CPNE8: variants seen among roughly 807,000 people sequenced by gnomAD.
CPNE8 encodes the protein copine 8.
In CPNE8, 45 loss-of-function variants were observed where a neutral mutation model predicts 81.5. That is an observed-to-expected ratio of 0.55 (90% CI 0.44 to 0.71). The LOEUF (loss-of-function observed/expected upper bound fraction) is 0.71. Among genes scored for constraint, CPNE8 ranks in the 30% least tolerant of loss-of-function variants. CPNE8 has a pLI of 0.00. For missense variants in CPNE8, 594 were observed against 672.1 expected, an observed-to-expected ratio of 0.88 and a Z score of 1.28; for synonymous variants, 252 against 226.3, an observed-to-expected ratio of 1.11 and a Z score of -1.02.
chr12:38,902,363 A>G (rs1944489345), intron 1 of CPNE8, among the ~76,000 whole-genome samples: 2 of 93,472 alleles, frequency 2.1e-5, no homozygotes, highest in African/African-American at 6.2e-5. Flanking sequence ...AAAGAAAGAA[A>G]GAAAGAAAGA....
At chr12:38,822,791 G>A (rs1224374698) in intron 6 of CPNE8, among the ~76,000 whole-genome samples, 5 of 151,990 alleles carry the variant, frequency 3.3e-5, no homozygotes, top group Admixed American at 6.6e-5. Flanking sequence ...ATGTAAAAAC[G>A]GCCTAATATT....
At chr12:38,717,427 GTGTA>G (rs1396934963) in intron 13 of CPNE8, among the ~76,000 whole-genome samples, 2,317 of 69,698 alleles carry the variant, frequency 0.033, 293 homozygotes, top group African/African-American at 0.12. Flanking sequence ...AGAAAGTGTG[GTGTA>G]TATATATATA....
intron 2 of CPNE8, 67 bp from the exon 3 acceptor site, chr12:38,873,117 AT>A (rs1398992968): frequency 2.1e-6 from 2 of 972,468 alleles, no homozygotes; most frequent in East Asian, 5.2e-5. Flanking sequence ...AATGTATACA[AT>A]TTATTTTTCA....
chr12:38,798,850 G>C (rs201772108), intron 6 of CPNE8, among the ~76,000 whole-genome samples: 1 of 152,090 alleles, frequency 6.6e-6, no homozygotes, highest in Non-Finnish European at 1.5e-5. Flanking sequence ...AAGGATGGAG[G>C]AAGATCTACC....
At chr12:38,799,931 A>G (rs1942614622) in intron 6 of CPNE8, among the ~76,000 whole-genome samples, 1 of 151,502 alleles carries the variant, frequency 6.6e-6, no homozygotes, top group African/African-American at 2.4e-5. Context: ...TCCCACCCGA[A>G]TATTGCGCTT....
chr12:38,696,453 T>G (rs990704665), intron 14 of CPNE8, among the ~76,000 whole-genome samples: 1 of 152,162 alleles, frequency 6.6e-6, no homozygotes, highest in African/African-American at 2.4e-5. Context: ...CCTCTGTATC[T>G]GCAAAGATGC....
chr12:38,760,874 T>G lies in CPNE8; in HGVS notation c.695A>C (p.Glu232Ala). ...NGDYDRTIKVEVYDWDRDGSH... is the reference protein window; with the variant it reads ...NGDYDRTIKVAVYDWDRDGSH... The stretch of plus-strand genomic sequence containing the variant: ...TCCATCTCGGTCCCAGTCATACACC[T>G]CTACTTTGATTGTTCTGTACATGAG... The change falls in exon 10 of 20, where the codon GAG becomes GCG. Residue 232 changes from glutamate to alanine, a missense_variant. Transcript: ENST00000331366. The G allele has an allele frequency of 6.3e-7, 1 of 1,575,020 alleles. No homozygotes were observed. Among genetic ancestry groups the G allele is most frequent in the Non-Finnish European group, 8.6e-7 (1 of 1,167,146 alleles).
intron 1 of CPNE8, among the ~76,000 whole-genome samples, chr12:38,891,374 G>T (rs1944312229): frequency 6.6e-6 from 1 of 151,796 alleles, no homozygotes; most frequent in Non-Finnish European, 1.5e-5. Context: ...TATAAACAAA[G>T]ATTAAATAAT....
At chr12:38,904,438 C>G (rs1944532600) in intron 1 of CPNE8, among the ~76,000 whole-genome samples, 4 of 150,930 alleles carry the variant, frequency 2.7e-5, no homozygotes, top group African/African-American at 9.8e-5. Flanking sequence ...AATTTACAGT[C>G]TCTGGACAGG....
intron 13 of CPNE8, among the ~76,000 whole-genome samples, chr12:38,704,826 G>GTATATATATGTGTGTATATATATATA (rs58878926): frequency 3.4e-4 from 17 of 50,194 alleles, no homozygotes; most frequent in East Asian, 7.0e-4. Flanking sequence ...GTATGTATGT[G>GTATATATATGTGTGTATATATATATA]TATATATATA....
intron 6 of CPNE8, among the ~76,000 whole-genome samples, chr12:38,796,748 C>T (rs1026822159): frequency 1.3e-5 from 2 of 152,114 alleles, no homozygotes; most frequent in African/African-American, 4.8e-5. Context: ...TGAGGAATTG[C>T]CTCACTCGGG....
intron 11 of CPNE8, among the ~76,000 whole-genome samples, chr12:38,726,889 TAATTA>T (rs1592042075): frequency 6.6e-6 from 1 of 152,210 alleles, no homozygotes; most frequent in African/African-American, 2.4e-5. Flanking sequence ...TTAAATTACA[TAATTA>T]AATTTAATTG....
At chr12:38,835,608 T>C (rs973658405) in intron 5 of CPNE8, among the ~76,000 whole-genome samples, 1 of 152,196 alleles carries the variant, frequency 6.6e-6, no homozygotes, top group African/African-American at 2.4e-5. Context: ...TATATATTAA[T>C]ACTTTAGAAT....
chr12:38,797,238 T>A (rs930241244), intron 6 of CPNE8, among the ~76,000 whole-genome samples: 2 of 152,188 alleles, frequency 1.3e-5, no homozygotes, highest in African/African-American at 4.8e-5. Flanking sequence ...ACGGGCAGAC[T>A]GCCTCCTCAA....
chr12:38,684,683 C>T (rs1939494054), intron 16 of CPNE8, among the ~76,000 whole-genome samples: 1 of 152,142 alleles, frequency 6.6e-6, no homozygotes, highest in African/African-American at 2.4e-5. Flanking sequence ...CTAGAACCTT[C>T]AGAGAACTGG....
chr12:38,667,232 C>G (rs550018533), intron 19 of CPNE8, among the ~76,000 whole-genome samples: 1 of 152,046 alleles, frequency 6.6e-6, no homozygotes, highest in African/African-American at 2.4e-5. Flanking sequence ...TAAATAGACC[C>G]TATTATCTGA....
At chr12:38,811,313 G>A (rs1295812307) in intron 6 of CPNE8, among the ~76,000 whole-genome samples, 1 of 151,768 alleles carries the variant, frequency 6.6e-6, no homozygotes, top group Non-Finnish European at 1.5e-5. Context: ...AGAACAATGA[G>A]AAAAAGACTA....
chr12:38,836,122 T>C (rs1348240395), intron 5 of CPNE8, among the ~76,000 whole-genome samples: 1 of 152,132 alleles, frequency 6.6e-6, no homozygotes, highest in Non-Finnish European at 1.5e-5. Context: ...TTTAGTTGAG[T>C]AGGTTCACTA....
intron 6 of CPNE8, among the ~76,000 whole-genome samples, chr12:38,796,692 G>A (rs997809189): frequency 3.9e-5 from 6 of 152,102 alleles, no homozygotes; most frequent in African/African-American, 9.7e-5. Flanking sequence ...CACACAGTGG[G>A]CGCAGGACAG....
Sources: allele counts gnomAD v4.1 joint callset (sites outside exome capture counted in the v4.1 genomes callset), GRCh38; gene constraint gnomAD v4.1.1; transcripts MANE v1.5; gene names NCBI Gene and HGNC (gene_info 2026-07-23, HGNC 2026-07-21).